The following NRXN1 variants were observed in gnomAD, a reference collection of about 807,000 sequenced individuals.
The protein encoded by NRXN1 is neurexin-1.
In NRXN1, 39 loss-of-function variants were observed where a neutral mutation model predicts 150.9. The ratio of observed to expected loss-of-function variants is 0.26; its 90% CI spans 0.20 to 0.34. NRXN1 has a LOEUF of 0.34. Ranked by LOEUF, NRXN1 falls within the 10% of genes least tolerant of loss-of-function variation. The pLI, the probability that NRXN1 is intolerant of heterozygous loss-of-function variation, is 1.00. For synonymous variants in NRXN1, 924 were observed against 757.0 expected (o/e 1.22, Z -3.62); for missense variants, 1,815 against 1,949.9 (o/e 0.93, Z 1.30).
chr2:50,796,563 C>T (rs1483038818), intron 5 of NRXN1, among the ~76,000 whole-genome samples: 1 of 152,138 alleles, frequency 6.6e-6, no homozygotes, highest in Non-Finnish European at 1.5e-5. Context: ...CACACTTTCT[C>T]AGTAGTTCAA....
rs892128268 is a variant in NRXN1, at chr2:49,919,456, A to G, written c.*2488T>C. ...CCCAAACAACACATTTCATAGATAT[A>G]CTGCTTAAAATTACCATTATTCAAT... is the stretch of plus-strand genomic sequence containing the variant. On this transcript the variant is annotated 3_prime_UTR_variant, in exon 23 of 23. Coordinates refer to ENST00000401669, the MANE Select transcript of NRXN1 (RefSeq NM_001330078.2). 3 of 152,080 alleles carry G rather than the reference A, an allele frequency of 2.0e-5. No homozygotes were observed. The highest frequency in any genetic ancestry group is 4.4e-5 in the Non-Finnish European group (3 of 67,966). 9.4% of individuals were successfully genotyped at this position (152,080 alleles called of 1,614,324 possible).
At chr2:50,507,104 G>C (rs1464891968) in intron 12 of NRXN1, among the ~76,000 whole-genome samples, 2 of 152,160 alleles carry the variant, frequency 1.3e-5, no homozygotes, top group South Asian at 2.1e-4. Flanking sequence ...TTTTCAGTGA[G>C]ATAAGTCTCC....
chr2:50,719,394 C>T (rs1439418744), intron 5 of NRXN1, among the ~76,000 whole-genome samples: 1 of 151,950 alleles, frequency 6.6e-6, no homozygotes, highest in Non-Finnish European at 1.5e-5. Flanking sequence ...CGTTTTCCGG[C>T]TGGGTGCGGT....
At chr2:50,280,049 C>T (rs970232528) in intron 17 of NRXN1, among the ~76,000 whole-genome samples, 3 of 151,950 alleles carry the variant, frequency 2.0e-5, no homozygotes, top group East Asian at 1.9e-4. Context: ...GAGGTCGAGG[C>T]GGGTGGATCA....
chr2:50,768,085 T>A (rs1268109624), intron 5 of NRXN1, among the ~76,000 whole-genome samples: 2 of 152,106 alleles, frequency 1.3e-5, no homozygotes, highest in African/African-American at 4.8e-5. Context: ...TACTCAGGCC[T>A]AGGGACAGTG....
At chr2:50,400,910 C>T (rs1473608121) in intron 17 of NRXN1, among the ~76,000 whole-genome samples, 3 of 152,140 alleles carry the variant, frequency 2.0e-5, no homozygotes, top group African/African-American at 7.2e-5. Context: ...TGGGTTGATG[C>T]TCCGCAAGAT....
At chr2:50,199,977 T>G (rs915373077) in intron 18 of NRXN1, among the ~76,000 whole-genome samples, 6 of 152,316 alleles carry the variant, frequency 3.9e-5, no homozygotes, top group African/African-American at 1.4e-4. Context: ...CTATTATGAT[T>G]CACAATGTCT....
chr2:50,291,725 T>C (rs2072947442), intron 17 of NRXN1, among the ~76,000 whole-genome samples: 1 of 152,180 alleles, frequency 6.6e-6, no homozygotes, highest in Non-Finnish European at 1.5e-5. Flanking sequence ...AAACTGACTT[T>C]TATTTGAAAA....
intron 5 of NRXN1, chr2:50,656,333 T>C: frequency 1.3e-6 from 1 of 769,412 alleles, no homozygotes; most frequent in East Asian, 2.4e-5. Context: ...CACTTATAAT[T>C]CTATACTCTA....
At chr2:50,660,661 G>A (rs751318858) in intron 5 of NRXN1, among the ~76,000 whole-genome samples, 115 of 151,996 alleles carry the variant, frequency 7.6e-4, no homozygotes, top group Non-Finnish European at 1.4e-3. Flanking sequence ...CCGACTGCTG[G>A]TTTACAGCAA....
chr2:50,519,041 AAAGAAAACAAATTCT>A (rs1381510976), intron 12 of NRXN1, among the ~76,000 whole-genome samples: 3 of 151,946 alleles, frequency 2.0e-5, no homozygotes, highest in Non-Finnish European at 4.4e-5. Context: ...CTATTTGCTT[AAAGAAAACAAATTCT>A]AAGAAATGTG....
intron 5 of NRXN1, among the ~76,000 whole-genome samples, chr2:50,671,642 CT>C (rs1275873648): frequency 1.3e-5 from 2 of 151,416 alleles, no homozygotes; most frequent in Non-Finnish European, 3.0e-5. Context: ...GCATGCTGGC[CT>C]TGAGGAAAAG....
intron 21 of NRXN1, among the ~76,000 whole-genome samples, chr2:50,025,782 G>T (rs1688189324): frequency 6.6e-6 from 1 of 152,174 alleles, no homozygotes; most frequent in South Asian, 2.1e-4. Flanking sequence ...GCTTAAGCAG[G>T]TTAAGTGGCT....
chr2:50,437,640 T>C (rs1355694798), intron 17 of NRXN1, among the ~76,000 whole-genome samples: 1 of 152,186 alleles, frequency 6.6e-6, no homozygotes, highest in Non-Finnish European at 1.5e-5. Context: ...AACTCTTGTC[T>C]CTGATCTTGA....
intron 21 of NRXN1, among the ~76,000 whole-genome samples, chr2:50,051,330 G>C (rs1692676393): frequency 6.6e-6 from 1 of 151,848 alleles, no homozygotes; most frequent in South Asian, 2.1e-4. Flanking sequence ...GGACACACCT[G>C]GTTTATATAG....
chr2:50,562,284 T>C (rs72884007), intron 8 of NRXN1, among the ~76,000 whole-genome samples: 5,408 of 152,050 alleles, frequency 0.036, 302 homozygotes, highest in African/African-American at 0.12. Flanking sequence ...AGTATATGTA[T>C]ATGCATGTAT....
At chr2:50,572,904 A>C (rs1670864362) in intron 8 of NRXN1, among the ~76,000 whole-genome samples, 1 of 152,130 alleles carries the variant, frequency 6.6e-6, no homozygotes, top group African/African-American at 2.4e-5. Context: ...TAATTGTGTG[A>C]ATTTGAGCAA....
chr2:50,766,274 C>T (rs958336489), intron 5 of NRXN1, among the ~76,000 whole-genome samples: 11 of 151,960 alleles, frequency 7.2e-5, no homozygotes, highest in African/African-American at 2.7e-4. Flanking sequence ...TGAGGTGTCA[C>T]TTACATGGAT....
At position 50,061,890 on chromosome 2, in the gene NRXN1, A is replaced by G. The variant is rs1263916132; in HGVS notation, c.3719-6846T>C. On this transcript the variant is annotated intron_variant, in intron 19 of 22. Coordinates refer to ENST00000401669, the MANE Select transcript of NRXN1 (RefSeq NM_001330078.2). ...TTCAAGCAATGAAACTGCATGTAAA[A>G]TTTGGTTTTATTTTCCTTTGAATTT... Among the ~76,000 whole-genome samples, 3 of 152,184 alleles carry G rather than the reference A, an allele frequency of 2.0e-5. No homozygotes were observed. The East Asian group carries it at 5.8e-4, about 29-fold the overall frequency.
Sources: gnomAD v4.1 joint callset for allele counts (sites outside exome capture counted in the v4.1 genomes callset) on GRCh38, gnomAD v4.1.1 for gene constraint, MANE v1.5 for transcripts, NCBI Gene and HGNC (gene_info 2026-07-23, HGNC 2026-07-21) for gene names.